CORIN: variants seen among roughly 807,000 people sequenced by gnomAD.
CORIN encodes the protein corin, serine peptidase, also known as atrial natriuretic peptide-converting enzyme.
In CORIN, 117 loss-of-function variants were observed where a neutral mutation model predicts 125.3. That is an observed-to-expected ratio of 0.93 (90% confidence interval 0.80 to 1.09). The LOEUF (loss-of-function observed/expected upper bound fraction) is 1.09. CORIN is among the 50% of genes least tolerant of loss of function. The pLI is 0.00. For synonymous variants in CORIN, 450 were observed against 466.4 expected, an observed-to-expected ratio of 0.96 and a Z score of 0.45; for missense variants, 1,253 against 1,306.7, an observed-to-expected ratio of 0.96 and a Z score of 0.63.
intron 19 of CORIN, among the ~76,000 whole-genome samples, chr4:47,611,131 G>T (rs1721851586): frequency 6.6e-6 from 1 of 152,186 alleles, no homozygotes; most frequent in South Asian, 2.1e-4. Context: ...ATTCTGTGAA[G>T]AATGTCAATG....
At chr4:47,649,676 C>T (rs187617531) in intron 13 of CORIN, among the ~76,000 whole-genome samples, 21 of 152,314 alleles carry the variant, frequency 1.4e-4, no homozygotes, top group Admixed American at 2.6e-4. Context: ...TCTAAGTCTA[C>T]GCAGGACACT....
At chr4:47,707,555 T>C (rs1450342985) in intron 5 of CORIN, among the ~76,000 whole-genome samples, 1 of 152,196 alleles carries the variant, frequency 6.6e-6, no homozygotes, top group Non-Finnish European at 1.5e-5. Flanking sequence ...TTCCAGAGGC[T>C]CTCCACAAAA....
At chr4:47,730,472 CA>C (rs71199996) in intron 5 of CORIN, among the ~76,000 whole-genome samples, 9,438 of 66,084 alleles carry the variant, frequency 0.14, 233 homozygotes, top group East Asian at 0.36. Flanking sequence ...GACTCCATCT[CA>C]AAAAAAAAAA....
intron 1 of CORIN, among the ~76,000 whole-genome samples, chr4:47,833,521 CAAAAAAA>C (rs75657429): frequency 2.6e-5 from 3 of 115,038 alleles, no homozygotes; most frequent in East Asian, 5.7e-4. Flanking sequence ...AAAGCATAGG[CAAAAAAA>C]AAAAAAAAAA....
intron 1 of CORIN, among the ~76,000 whole-genome samples, chr4:47,826,011 CT>C (rs1029522421): frequency 2.0e-5 from 3 of 152,112 alleles, no homozygotes; most frequent in African/African-American, 7.2e-5. Flanking sequence ...CCAACCATTG[CT>C]TTTTTCTGCT....
At chr4:47,771,045 A>G (rs1481845027) in intron 3 of CORIN, among the ~76,000 whole-genome samples, 1 of 152,146 alleles carries the variant, frequency 6.6e-6, no homozygotes, top group African/African-American at 2.4e-5. Flanking sequence ...TCACCCCCCA[A>G]AATTATTTGA....
intron 3 of CORIN, among the ~76,000 whole-genome samples, chr4:47,784,319 A>T (rs1309533613): frequency 1.3e-5 from 2 of 152,212 alleles, no homozygotes; most frequent in South Asian, 2.1e-4. Flanking sequence ...GGAAAGACTA[A>T]TGCTAACTGT....
In CORIN at chr4:47,595,711, A is replaced by G. The variant is rs749695065; in HGVS notation, c.*10T>C. 67 of 1,586,418 alleles carry G rather than the reference A, an allele frequency of 4.2e-5. No homozygotes were observed. Among genetic ancestry groups the G allele is most frequent in the Non-Finnish European group, 5.2e-5 (61 of 1,169,628 alleles). Reference sequence around the variant, plus strand: ...GTGTAGCTGGCAAAAGTCTCTGATCATCCTTATAATTAGTTTAGGAGAAAG... The same window carrying G: ...GTGTAGCTGGCAAAAGTCTCTGATCGTCCTTATAATTAGTTTAGGAGAAAG... On this transcript the variant is annotated 3_prime_UTR_variant, in exon 22 of 22. Coordinates refer to ENST00000273857, the MANE Select transcript of CORIN (RefSeq NM_006587.4).
intron 19 of CORIN, among the ~76,000 whole-genome samples, chr4:47,614,543 A>G (rs1313719150): frequency 6.6e-6 from 1 of 152,226 alleles, no homozygotes; most frequent in African/African-American, 2.4e-5. Flanking sequence ...TCTTCAGACA[A>G]TACCCAGATG....
intron 16 of CORIN, among the ~76,000 whole-genome samples, chr4:47,641,560 T>A (rs3817091): frequency 0.26 from 39,864 of 151,122 alleles, 5,508 homozygotes; most frequent in Admixed American, 0.36. Flanking sequence ...TGTGTGTTGC[T>A]TAAGAAGAAA....
At chr4:47,730,360 C>T (rs1214354169) in intron 5 of CORIN, among the ~76,000 whole-genome samples, 1 of 151,398 alleles carries the variant, frequency 6.6e-6, no homozygotes, top group Non-Finnish European at 1.5e-5. Flanking sequence ...GTAGTCCTAG[C>T]TACTCGGGAG....
intron 19 of CORIN, among the ~76,000 whole-genome samples, chr4:47,610,465 A>C (rs191134483): frequency 6.6e-6 from 1 of 151,482 alleles, no homozygotes; most frequent in East Asian, 1.9e-4. Context: ...TTTTTCTTGT[A>C]AATTTAAGTT....
chr4:47,709,209 T>C (rs1369619013), intron 5 of CORIN, among the ~76,000 whole-genome samples: 3 of 152,226 alleles, frequency 2.0e-5, no homozygotes, highest in Admixed American at 6.5e-5. Context: ...AAAGAGGCAG[T>C]TGCAGAAAGC....
chr4:47,603,783 C>T (rs1258294959), intron 19 of CORIN, 115 bp from the exon 20 acceptor site: 81 of 1,123,336 alleles, frequency 7.2e-5, no homozygotes, highest in Non-Finnish European at 9.2e-5. Flanking sequence ...TCATGCCCAC[C>T]TCTCAATGTA....
chr4:47,649,121 T>A (rs562737821), intron 13 of CORIN, among the ~76,000 whole-genome samples: 1 of 152,268 alleles, frequency 6.6e-6, no homozygotes, highest in Admixed American at 6.5e-5. Flanking sequence ...GCCTACCCAA[T>A]TCCTGAGTCA....
chr4:47,680,934 G>T (rs1188207915), intron 7 of CORIN: 1 of 152,080 alleles, frequency 6.6e-6, no homozygotes, highest in African/African-American at 2.4e-5. Flanking sequence ...CAAAAGAACT[G>T]CTAGGTAAGC....
At chr4:47,793,311 G>T (rs1212702775) in intron 2 of CORIN, among the ~76,000 whole-genome samples, 1 of 152,036 alleles carries the variant, frequency 6.6e-6, no homozygotes, top group Non-Finnish European at 1.5e-5. Context: ...TTCGTTGAAC[G>T]TATGAATGAT....
intron 2 of CORIN, among the ~76,000 whole-genome samples, chr4:47,805,543 T>A (rs1292206093): frequency 2.6e-5 from 4 of 152,222 alleles, no homozygotes; most frequent in Non-Finnish European, 5.9e-5. Context: ...TGCCTTCATT[T>A]CTTTCTGCCT....
At chr4:47,812,993 T>A (rs1018451090) in intron 1 of CORIN, among the ~76,000 whole-genome samples, 1 of 152,196 alleles carries the variant, frequency 6.6e-6, no homozygotes, top group Non-Finnish European at 1.5e-5. Flanking sequence ...TAATATGATG[T>A]GTACACCTGT....
Sources: gnomAD v4.1 joint callset for allele counts (sites outside exome capture counted in the v4.1 genomes callset) on GRCh38, gnomAD v4.1.1 for gene constraint, MANE v1.5 for transcripts, NCBI Gene and HGNC (gene_info 2026-07-23, HGNC 2026-07-21) for gene names.